NRXN1: variants seen among roughly 807,000 people sequenced by gnomAD.
NRXN1 encodes the protein neurexin-1.
In NRXN1, 39 loss-of-function variants were observed where a neutral mutation model predicts 150.9. The observed-to-expected ratio is 0.26, with a 90% CI of 0.20 to 0.34. NRXN1 has a LOEUF of 0.34. Ranked by LOEUF, NRXN1 falls within the 10% of genes least tolerant of loss-of-function variation. The pLI, the probability that NRXN1 is intolerant of heterozygous loss-of-function variation, is 1.00. For missense variants in NRXN1, 1,815 were observed against 1,949.9 expected, an observed-to-expected ratio of 0.93 and a Z score of 1.30; for synonymous variants, 924 against 757.0, an observed-to-expected ratio of 1.22 and a Z score of -3.62.
At chr2:49,984,494 A>C (rs1332979772) in intron 21 of NRXN1, among the ~76,000 whole-genome samples, 1 of 145,642 alleles carries the variant, frequency 6.9e-6, no homozygotes, top group Non-Finnish European at 1.5e-5. Context: ...AATATAAAAA[A>C]CAATATCAGA....
At chr2:50,348,787 C>T (rs1468953043) in intron 17 of NRXN1, among the ~76,000 whole-genome samples, 1 of 152,004 alleles carries the variant, frequency 6.6e-6, no homozygotes, top group Non-Finnish European at 1.5e-5. Context: ...TTAAACATTT[C>T]CCTGATTTCC....
intron 13 of NRXN1, among the ~76,000 whole-genome samples, chr2:50,500,819 C>T (rs1284098129): frequency 3.3e-5 from 5 of 152,200 alleles, no homozygotes; most frequent in Admixed American, 1.3e-4. Context: ...CGTTAGGTTA[C>T]ATTTCTCATG....
intron 22 of NRXN1, among the ~76,000 whole-genome samples, chr2:49,938,959 T>G (rs1430436603): frequency 6.6e-6 from 1 of 152,190 alleles, no homozygotes; most frequent in African/African-American, 2.4e-5. Context: ...GGTTTTGCAG[T>G]GTTGCCATTT....
chr2:50,622,365 C>T (rs1680179421), intron 6 of NRXN1, among the ~76,000 whole-genome samples: 1 of 152,058 alleles, frequency 6.6e-6, no homozygotes, highest in South Asian at 2.1e-4. Context: ...TAAAGGAAAA[C>T]CAGAGACAAT....
At chr2:50,757,316 G>GT (rs2105360848) in intron 5 of NRXN1, among the ~76,000 whole-genome samples, 1 of 151,904 alleles carries the variant, frequency 6.6e-6, no homozygotes, top group East Asian at 2.0e-4. Context: ...GAGAAAAAAA[G>GT]TAAGAGTGTA....
intron 8 of NRXN1, among the ~76,000 whole-genome samples, chr2:50,554,141 T>C (rs896063189): frequency 6.6e-6 from 1 of 151,752 alleles, no homozygotes; most frequent in Non-Finnish European, 1.5e-5. Context: ...TTTATCCACA[T>C]GTAAAAATGT....
At chr2:50,814,849 G>T (rs1467689297) in intron 5 of NRXN1, among the ~76,000 whole-genome samples, 1 of 152,010 alleles carries the variant, frequency 6.6e-6, no homozygotes, top group Non-Finnish European at 1.5e-5. Context: ...ATTGCACTGG[G>T]AATAAGCTGG....
intron 17 of NRXN1, among the ~76,000 whole-genome samples, chr2:50,445,574 G>A (rs1380055821): frequency 6.6e-6 from 1 of 152,138 alleles, no homozygotes; most frequent in Admixed American, 6.6e-5. Context: ...ACTCCATGAG[G>A]GGAAGAACAA....
chr2:50,547,744 G>C (rs529116831), intron 9 of NRXN1, among the ~76,000 whole-genome samples: 3 of 152,230 alleles, frequency 2.0e-5, no homozygotes, highest in Admixed American at 6.5e-5. Context: ...GCCTGCACTT[G>C]GTATGGTTTC....
chr2:50,083,651 C>T (rs973134630), intron 19 of NRXN1, among the ~76,000 whole-genome samples: 2 of 152,154 alleles, frequency 1.3e-5, no homozygotes, highest in African/African-American at 2.4e-5. Flanking sequence ...CTTATCTGGC[C>T]CCACCCACAT....
At chr2:50,719,492 T>G (rs577561197) in intron 5 of NRXN1, among the ~76,000 whole-genome samples, 1 of 151,934 alleles carries the variant, frequency 6.6e-6, no homozygotes. Flanking sequence ...CTGGCCAACA[T>G]AGTGAAATCC....
At chr2:50,345,206 A>G (rs2152996093) in intron 17 of NRXN1, among the ~76,000 whole-genome samples, 1 of 152,336 alleles carries the variant, frequency 6.6e-6, no homozygotes, top group African/African-American at 2.4e-5. Flanking sequence ...GGAGAAAGGA[A>G]CAAATTCCTA....
intron 17 of NRXN1, among the ~76,000 whole-genome samples, chr2:50,365,272 T>C (rs539631437): frequency 9.1e-4 from 139 of 152,192 alleles, no homozygotes; most frequent in African/African-American, 3.1e-3. Context: ...TGGTAATAAA[T>C]TCAGATTTGA....
chr2:50,899,736 T>A (rs780069010), intron 5 of NRXN1, among the ~76,000 whole-genome samples: 8 of 152,234 alleles, frequency 5.3e-5, no homozygotes, highest in Non-Finnish European at 1.2e-4. Context: ...TAGGTTCTTA[T>A]GACATTATTT....
At chr2:50,035,634 C>T (rs778409910) in intron 21 of NRXN1, among the ~76,000 whole-genome samples, 41 of 151,954 alleles carry the variant, frequency 2.7e-4, no homozygotes, top group Non-Finnish European at 5.7e-4. Flanking sequence ...AAAACATATA[C>T]TTGGAGAAAA....
intron 17 of NRXN1, 89 bp from the exon 18 acceptor site, chr2:50,237,059 T>A (rs1424597827): frequency 1.1e-5 from 14 of 1,242,846 alleles, no homozygotes; most frequent in Middle Eastern, 3.8e-4. Context: ...CAGTAAAGTA[T>A]CAACTCTACA....
intron 18 of NRXN1, among the ~76,000 whole-genome samples, chr2:50,206,814 T>C (rs1227168433): frequency 6.6e-6 from 1 of 150,900 alleles, no homozygotes; most frequent in Non-Finnish European, 1.5e-5. Context: ...AAATGTAATA[T>C]ATATTTTATT....
chr2:50,538,189 T>G (rs1183111880), intron 10 of NRXN1, 64 bp downstream of exon 10: 15 of 1,547,662 alleles, frequency 9.7e-6, no homozygotes, highest in African/African-American at 1.4e-5. Context: ...AGTGCAGGTT[T>G]GAGGTCAACA....
At chr2:50,061,559 C>T (rs1402964765) in intron 19 of NRXN1, among the ~76,000 whole-genome samples, 1 of 152,144 alleles carries the variant, frequency 6.6e-6, no homozygotes, top group Admixed American at 6.6e-5. Context: ...CAATAAATGA[C>T]CCACTTTTCA....
Sources: allele counts gnomAD v4.1 joint callset (sites outside exome capture counted in the v4.1 genomes callset), GRCh38; gene constraint gnomAD v4.1.1; transcripts MANE v1.5; gene names NCBI Gene and HGNC (gene_info 2026-07-23, HGNC 2026-07-21).